The following NDUFAF6 variants were observed in gnomAD, a reference collection of about 807,000 sequenced individuals.
NDUFAF6 encodes NADH:ubiquinone oxidoreductase complex assembly factor 6, also known as NADH dehydrogenase (ubiquinone) complex I, assembly factor 6.
In NDUFAF6, 45 loss-of-function variants were observed where a neutral mutation model predicts 40.8. The observed-to-expected ratio is 1.10, with a 90% CI of 0.87 to 1.42. The LOEUF (loss-of-function observed/expected upper bound fraction) is 1.42. Ranked by LOEUF, NDUFAF6 falls within the 40% of genes most tolerant of loss-of-function variation. The pLI is 0.00. For missense variants in NDUFAF6, 435 were observed against 418.5 expected (o/e 1.04, Z -0.34); for synonymous variants, 185 against 155.9 (o/e 1.19, Z -1.39).
intron 1 of NDUFAF6, among the ~76,000 whole-genome samples, chr8:94,909,843 A>C (rs1586618178): frequency 6.6e-6 from 1 of 151,166 alleles, no homozygotes; most frequent in South Asian, 2.1e-4. Context: ...TATATATATA[A>C]AAGAATTACA....
chr8:95,117,871 G>A (rs1195606999), downstream of NDUFAF6, among the ~76,000 whole-genome samples: 1 of 152,176 alleles, frequency 6.6e-6, no homozygotes, highest in African/African-American at 2.4e-5. Context: ...CAGCTGCTTT[G>A]GAGAGCCAGT....
intron 1 of NDUFAF6, among the ~76,000 whole-genome samples, chr8:94,931,721 T>A (rs1314760019): frequency 6.6e-6 from 1 of 152,194 alleles, no homozygotes; most frequent in Non-Finnish European, 1.5e-5. Context: ...GCTCTTGTAA[T>A]CCCAACACTT....
intron 1 of NDUFAF6, among the ~76,000 whole-genome samples, chr8:94,932,751 C>A (rs1453022412): frequency 1.3e-5 from 2 of 152,010 alleles, no homozygotes; most frequent in Non-Finnish European, 1.5e-5. Flanking sequence ...TGCAGTGAGC[C>A]GAGATAGCGC....
intron 1 of NDUFAF6, among the ~76,000 whole-genome samples, chr8:94,973,845 C>T (rs1824691444): frequency 6.8e-6 from 1 of 147,500 alleles, no homozygotes; most frequent in Non-Finnish European, 1.5e-5. Flanking sequence ...CACAGCAAGA[C>T]CCCTGTCTCT....
chr8:94,973,757 CA>C (rs1563760928), intron 1 of NDUFAF6, among the ~76,000 whole-genome samples: 1 of 149,806 alleles, frequency 6.7e-6, no homozygotes, highest in Non-Finnish European at 1.5e-5. Context: ...TGGTGGCTCA[CA>C]CCTGCAAACC....
At chr8:94,990,955 G>A (rs184524514) in intron 2 of NDUFAF6, among the ~76,000 whole-genome samples, 5 of 152,286 alleles carry the variant, frequency 3.3e-5, no homozygotes, top group East Asian at 1.9e-4. Flanking sequence ...AGCCTTATTC[G>A]CGAAGGGACT....
chr8:95,035,260 G>T (rs952509181), intron 2 of NDUFAF6, among the ~76,000 whole-genome samples, 194 bp from the exon 3 acceptor site: 6 of 152,042 alleles, frequency 3.9e-5, no homozygotes, highest in African/African-American at 1.5e-4. Flanking sequence ...ATGAATGAAT[G>T]AATTTATTTA....
At chr8:95,040,734 C>T (rs1268800210) in intron 3 of NDUFAF6, 5 of 152,222 alleles carry the variant, frequency 3.3e-5, no homozygotes, top group Non-Finnish European at 7.3e-5. Flanking sequence ...AGCGGAAACT[C>T]CTTCACAGCG....
intron 1 of NDUFAF6, among the ~76,000 whole-genome samples, chr8:94,961,182 G>T (rs4735336): frequency 0.47 from 70,735 of 151,992 alleles, 17,412 homozygotes; most frequent in East Asian, 0.72. Context: ...CCACTGACAC[G>T]TAAAATTCAC....
chr8:94,939,773 C>T (rs1367792955), intron 1 of NDUFAF6: 1 of 1,533,176 alleles, frequency 6.5e-7, no homozygotes, highest in Non-Finnish European at 8.8e-7. Context: ...AGTTTTGCAT[C>T]TTCTAATAAC....
chr8:94,920,111 AATG>A (rs1218508553), intron 1 of NDUFAF6, among the ~76,000 whole-genome samples: 1 of 152,168 alleles, frequency 6.6e-6, no homozygotes. Context: ...TTTGATATAT[AATG>A]ATAACACTAC....
At chr8:95,020,461 G>C (rs557533428), upstream of NDUFAF6, among the ~76,000 whole-genome samples, 1 of 152,294 alleles carries the variant, frequency 6.6e-6, no homozygotes, top group Non-Finnish European at 1.5e-5. Context: ...ATGGTGCCTT[G>C]TTATAAATGA....
At chr8:94,925,295 T>C (rs1199213936) in intron 1 of NDUFAF6, among the ~76,000 whole-genome samples, 1 of 152,226 alleles carries the variant, frequency 6.6e-6, no homozygotes, top group Non-Finnish European at 1.5e-5. Flanking sequence ...CTATTGAAAC[T>C]AGAGCTCCAC....
At chr8:94,918,629 C>CAAAT in intron 1 of NDUFAF6, among the ~76,000 whole-genome samples, 1 of 152,080 alleles carries the variant, frequency 6.6e-6, no homozygotes, top group Non-Finnish European at 1.5e-5. Flanking sequence ...TAGAGAGCAC[C>CAAAT]CCGCATGGGG....
At chr8:95,058,917 G>A (rs1473527340), downstream of NDUFAF6, among the ~76,000 whole-genome samples, 3 of 152,084 alleles carry the variant, frequency 2.0e-5, no homozygotes, top group Non-Finnish European at 4.4e-5. Flanking sequence ...CAGGTGTGGT[G>A]GTGCACGCCC....
At chr8:94,947,441 T>A (rs1002009489) in intron 2 of NDUFAF6, among the ~76,000 whole-genome samples, 1 of 152,244 alleles carries the variant, frequency 6.6e-6, no homozygotes, top group African/African-American at 2.4e-5. Flanking sequence ...CCTCTTCCAC[T>A]ACTTTAAAAA....
At chr8:95,005,130 G>A (rs1826904713) in intron 2 of NDUFAF6, among the ~76,000 whole-genome samples, 1 of 152,042 alleles carries the variant, frequency 6.6e-6, no homozygotes, top group Non-Finnish European at 1.5e-5. Flanking sequence ...ACTTTTCTTT[G>A]AGGTCAGTTT....
intron 3 of NDUFAF6, 104 bp from the exon 4 acceptor site, chr8:95,041,466 A>C: frequency 2.5e-6 from 2 of 786,606 alleles, no homozygotes; most frequent in Non-Finnish European, 4.5e-6. Flanking sequence ...GTTATTACAA[A>C]TGTTCCCTTA....
At chr8:94,954,736 A>G (rs1053371166), upstream of NDUFAF6, among the ~76,000 whole-genome samples, 1 of 152,190 alleles carries the variant, frequency 6.6e-6, no homozygotes, top group African/African-American at 2.4e-5. Flanking sequence ...AGGATTTGGC[A>G]TGATCTGGTA....
Sources: gnomAD v4.1 joint callset for allele counts (sites outside exome capture counted in the v4.1 genomes callset) on GRCh38, gnomAD v4.1.1 for gene constraint, MANE v1.5 for transcripts, NCBI Gene and HGNC (gene_info 2026-07-23, HGNC 2026-07-21) for gene names.